TPO: variants seen among roughly 807,000 people sequenced by gnomAD.
TPO encodes the protein thyroid microsomal antigen.
Under a neutral mutation model 96.9 loss-of-function variants are expected in TPO, and 78 were observed. That is an observed-to-expected ratio of 0.81 (90% CI 0.67 to 0.97). TPO has a LOEUF of 0.97. Ranked by LOEUF, TPO falls within the 50% of genes least tolerant of loss-of-function variation. The pLI, the probability that TPO is intolerant of heterozygous loss-of-function variation, is 0.00. For synonymous variants in TPO, 547 were observed against 538.0 expected (o/e 1.02, Z -0.23); for missense variants, 1,252 against 1,274.8 (o/e 0.98, Z 0.27).
In TPO at chr2:1,503,989, G is replaced by A. The variant is rs759194294; in HGVS notation, c.2428G>A (p.Ala810Thr). The change falls in exon 14 of 17, where the codon GCC becomes ACC. Residue 810 changes from alanine to threonine, a missense_variant. Physicochemically the swap from Ala to Thr is moderately conservative, Grantham distance 58. Transcript: ENST00000329066. ...AGACGGTGCCCACCCCCCCTGCCACGCCTCTGCGAGGTGCAGAAACACCAA... is the reference window on the plus strand; with the variant it reads ...AGACGGTGCCCACCCCCCCTGCCACACCTCTGCGAGGTGCAGAAACACCAA... ...CADGAHPPCH[A>T]SARCRNTKGG... The A allele has an allele frequency of 8.7e-6, 14 of 1,614,044 alleles. No homozygotes were observed. The highest frequency in any genetic ancestry group is 1.1e-5 in the Non-Finnish European group (13 of 1,180,040).
In TPO at chr2:1,392,132, G is replaced by C. The variant is rs182847798; in HGVS notation, n.180+17730G>C. On this transcript the variant is annotated intron_variant and non_coding_transcript_variant, in intron 1 of 5. Transcript: ENST00000497517. ...AATGCTTCCAATTTTTGCCCATTCA[G>C]TATGATATTGTCATAAATAGCTCTT... Among the ~76,000 whole-genome samples, 3 of 152,100 alleles carry C rather than the reference G, an allele frequency of 2.0e-5. No homozygotes were observed. In the East Asian group the frequency reaches 5.8e-4, roughly 29 times the overall value.
intron 15 of TPO, among the ~76,000 whole-genome samples, chr2:1,524,643 C>CTG: frequency 1.1e-5 from 1 of 88,068 alleles, no homozygotes; most frequent in Non-Finnish European, 2.4e-5. Flanking sequence ...CCCCTACTGC[C>CTG]TGCAACCTCC....
At position 1,522,663 on chromosome 2, in the gene TPO, G is replaced by A. The variant is rs973045985; in HGVS notation, c.2618+5681G>A. On this transcript the variant is annotated intron_variant, in intron 15 of 16. Coordinates refer to ENST00000329066, the MANE Select transcript of TPO (RefSeq NM_001206744.2). ...CTCCTTATCATCTCAACCTGGCTTC[G>A]AATGTTCAAGTCTGACACATCGCAA... Among the ~76,000 whole-genome samples the A allele has an allele frequency of 2.6e-5, 4 of 152,136 alleles. No individual in the cohort carries two copies. The South Asian group carries it at 6.2e-4, about 24-fold the overall frequency.
At chr2:1,475,021 C>A (rs1430588285) in intron 7 of TPO, among the ~76,000 whole-genome samples, 1 of 152,168 alleles carries the variant, frequency 6.6e-6, no homozygotes, top group Non-Finnish European at 1.5e-5. Context: ...ATTTAAAGAG[C>A]ACAGATTTTC....
chr2:1,493,178 A>G (rs1470870027), intron 10 of TPO, among the ~76,000 whole-genome samples: 1 of 111,002 alleles, frequency 9.0e-6, no homozygotes. Context: ...CCAGACAGAT[A>G]AAGATATTTG....
intron 1 of TPO, among the ~76,000 whole-genome samples, chr2:1,398,255 G>A (rs1662116066): frequency 6.6e-6 from 1 of 152,200 alleles, no homozygotes; most frequent in Non-Finnish European, 1.5e-5. Context: ...CCAGTGATGT[G>A]TGGTGGCCTC....
At chr2:1,532,929 C>T (rs1338705855) in intron 15 of TPO, among the ~76,000 whole-genome samples, 1 of 116,406 alleles carries the variant, frequency 8.6e-6, no homozygotes, top group Non-Finnish European at 1.7e-5. Flanking sequence ...CGCAAAATCT[C>T]CCCCACTATG....
rs561508804 is a variant in TPO, at chr2:1,425,661, C to A, written c.179+2532C>A. On this transcript the variant is annotated intron_variant, in intron 3 of 16. Coordinates refer to ENST00000329066, the MANE Select transcript of TPO (RefSeq NM_001206744.2). The stretch of plus-strand genomic sequence containing the variant: ...ATATCCTCAGAAGTCTATGCTCCTT[C>A]TGTAAAGTCATTGTTCTAGATGCTG... Among the ~76,000 whole-genome samples the A allele has an allele frequency of 7.2e-5, 11 of 152,216 alleles. No individual in the cohort carries two copies. The South Asian group carries it at 2.3e-3, about 32-fold the overall frequency.
chr2:1,440,165 ACCGTGCTGCGTTT>A (rs555925936), intron 5 of TPO, among the ~76,000 whole-genome samples: 1,607 of 81,864 alleles, frequency 0.02, 30 homozygotes, highest in African/African-American at 0.076. Context: ...CTGCGTTTCC[ACCGTGCTGCGTTT>A]CCACCGTGCT....
intron 3 of TPO, among the ~76,000 whole-genome samples, chr2:1,427,176 C>A (rs946548165): frequency 6.6e-6 from 1 of 152,234 alleles, no homozygotes; most frequent in Admixed American, 6.5e-5. Context: ...GCAGGCTGCA[C>A]ACAGAAGGGG....
intron 1 of TPO, among the ~76,000 whole-genome samples, chr2:1,379,125 C>T (rs923236773): frequency 3.3e-5 from 5 of 152,042 alleles, no homozygotes; most frequent in Non-Finnish European, 5.9e-5. Flanking sequence ...GCCAACATGT[C>T]GAAACCCAGT....
At chr2:1,533,238 C>T (rs1678758486) in intron 15 of TPO, among the ~76,000 whole-genome samples, 1 of 82,542 alleles carries the variant, frequency 1.2e-5, no homozygotes. Flanking sequence ...GAGCAACCTC[C>T]CCAAATCCCC....
At chr2:1,446,133 C>T (rs1372287937) in intron 5 of TPO, among the ~76,000 whole-genome samples, 4 of 152,092 alleles carry the variant, frequency 2.6e-5, no homozygotes, top group Non-Finnish European at 5.9e-5. Flanking sequence ...CCCCCAGGTG[C>T]AGATCGAGAA....
At chr2:1,374,101 G>C (rs529462020), upstream of TPO, 1 of 152,444 alleles carries the variant, frequency 6.6e-6, no homozygotes, top group Admixed American at 6.5e-5. Context: ...CAAGTCTGCA[G>C]TTCACCTCTG....
At chr2:1,410,939 C>T (rs1271125152), upstream of TPO, among the ~76,000 whole-genome samples, 5 of 152,186 alleles carry the variant, frequency 3.3e-5, no homozygotes, top group African/African-American at 4.8e-5. Flanking sequence ...TGGGTGGCCA[C>T]GTCTTCCCAA....
In TPO at chr2:1,525,899, TGCAACCTCCTCAAATCCCCCCACTGTGC is replaced by T. The variant is rs769137337; in HGVS notation, c.2618+8930_2618+8957del. Among the ~76,000 whole-genome samples the T allele has an allele frequency of 3.7e-3, 509 of 137,238 alleles. 5 individuals carry two copies. The highest frequency in any genetic ancestry group is 0.012 in the African/African-American group (434 of 35,448). The allele number at this position is 137,238 out of a possible 152,430, so 90.0% of individuals were successfully genotyped here. A position where few individuals can be genotyped will look rare whatever the true frequency, so the allele number is the denominator to read the frequency against. On this transcript the variant is annotated intron_variant, in intron 15 of 16. Coordinates refer to ENST00000329066, the MANE Select transcript of TPO (RefSeq NM_001206744.2). ...AAACTCCTCAAATCCCAATACTGTG[TGCAACCTCCTCAAATCCCCCCACTGTGC>T]GCAACCTCCTCATATCCCCCGACTG... is the stretch of plus-strand genomic sequence containing the variant.
chr2:1,398,030 T>C (rs1269455993), intron 1 of TPO, among the ~76,000 whole-genome samples: 1 of 152,196 alleles, frequency 6.6e-6, no homozygotes, highest in African/African-American at 2.4e-5. Flanking sequence ...TTTTCAGGCA[T>C]GCAACTTCAT....
intron 6 of TPO, among the ~76,000 whole-genome samples, chr2:1,455,513 A>G (rs1199950816): frequency 1.3e-5 from 2 of 152,208 alleles, no homozygotes; most frequent in Non-Finnish European, 2.9e-5. Flanking sequence ...ATCTGGACCT[A>G]GCCTGTGAGA....
chr2:1,452,207 A>G (rs111409023), intron 5 of TPO, among the ~76,000 whole-genome samples: 1 of 74,798 alleles, frequency 1.3e-5, no homozygotes, highest in African/African-American at 3.7e-5. Flanking sequence ...ATTAGAACAC[A>G]ATTGATTTAA....
Sources: allele counts gnomAD v4.1 joint callset (sites outside exome capture counted in the v4.1 genomes callset), GRCh38; gene constraint gnomAD v4.1.1; transcripts MANE v1.5; gene names NCBI Gene and HGNC (gene_info 2026-07-23, HGNC 2026-07-21).